PCSK2: variants seen among roughly 807,000 people sequenced by gnomAD.
The protein encoded by PCSK2 is proprotein convertase subtilisin/kexin type 2.
PCSK2 carries 14 observed loss-of-function variants against 69.7 expected under a neutral mutation model. The ratio of observed to expected loss-of-function variants is 0.20; its 90% CI spans 0.13 to 0.31. The LOEUF (loss-of-function observed/expected upper bound fraction) is 0.31. PCSK2 is among the 10% of genes least tolerant of loss of function. The probability of loss-of-function intolerance (pLI) is 1.00; values close to 1 mark genes in which losing one functional copy is unlikely to be tolerated. For missense variants in PCSK2, 544 were observed against 842.5 expected (o/e 0.65, Z 4.39); for synonymous variants, 307 against 320.7 (o/e 0.96, Z 0.46).
chr20:17,407,140 C>G (rs1367526815), intron 5 of PCSK2, among the ~76,000 whole-genome samples: 1 of 152,196 alleles, frequency 6.6e-6, no homozygotes, highest in African/African-American at 2.4e-5. Context: ...TGCCCCAAGC[C>G]TGTAGCTCAG....
rs150254059 is a variant in PCSK2 at position 17,301,190 on chromosome 20, ACTTAGGT to A, written c.282+40853_282+40859del. On this transcript the variant is annotated intron_variant, in intron 2 of 11. Transcript: ENST00000262545. Reference sequence around the variant, plus strand: ...TGACGTTAGAAATTTGGGAATGTGAACTTAGGTCTTAGGATAAAATTTCCAGCACTGG... The same window carrying A: ...TGACGTTAGAAATTTGGGAATGTGAACTTAGGATAAAATTTCCAGCACTGG... Among the ~76,000 whole-genome samples, 773 of 152,320 alleles carry A rather than the reference ACTTAGGT, an allele frequency of 5.1e-3. 6 individuals are homozygous for A. The highest frequency in any genetic ancestry group is 0.023 in the East Asian group (120 of 5,186).
intron 2 of PCSK2, among the ~76,000 whole-genome samples, chr20:17,272,434 A>G (rs1482889951): frequency 1.3e-5 from 2 of 152,122 alleles, no homozygotes; most frequent in African/African-American, 4.8e-5. Context: ...CTCATAATCC[A>G]TCCTTGAAGG....
intron 2 of PCSK2, among the ~76,000 whole-genome samples, chr20:17,320,549 G>T (rs1208118130): frequency 6.6e-6 from 1 of 152,228 alleles, no homozygotes; most frequent in East Asian, 1.9e-4. Flanking sequence ...TAAAGTGTGT[G>T]TTTTCAAGGA....
intron 8 of PCSK2, among the ~76,000 whole-genome samples, chr20:17,450,917 G>A (rs1178086721): frequency 6.6e-6 from 1 of 152,026 alleles, no homozygotes; most frequent in South Asian, 2.1e-4. Flanking sequence ...AAGTAGGGTG[G>A]CATGCCAGCA....
chr20:17,287,063 C>A (rs933180696), intron 2 of PCSK2, among the ~76,000 whole-genome samples: 2 of 152,112 alleles, frequency 1.3e-5, no homozygotes, highest in East Asian at 3.9e-4. Flanking sequence ...GGACCATAGT[C>A]TTTTCTCCTA....
rs527352663 is a variant in PCSK2 at position 17,357,518 on chromosome 20, T to C, written c.283-809T>C. ...TGTTTTCACTCTCTCTCTTCCTGAA[T>C]CCACATCAGTCCTCTCTCCTTAATA... On this transcript the variant is annotated intron_variant, in intron 2 of 11. Transcript: ENST00000262545. 1.1e-4 allele frequency among the ~76,000 whole-genome samples: 16 copies of C among 152,358 alleles called. No individual in the cohort carries two copies. In the South Asian group the frequency reaches 3.1e-3, roughly 30 times the overall value.
chr20:17,472,478 C>A (rs944419085), intron 11 of PCSK2, among the ~76,000 whole-genome samples: 2 of 152,250 alleles, frequency 1.3e-5, no homozygotes, highest in African/African-American at 2.4e-5. Flanking sequence ...CATGTGACTG[C>A]CACAAAAGCA....
intron 5 of PCSK2, among the ~76,000 whole-genome samples, chr20:17,392,856 C>G (rs6034814): frequency 0.1 from 15,320 of 151,620 alleles, 1,170 homozygotes; most frequent in African/African-American, 0.21. Flanking sequence ...TCAGTTTGGA[C>G]GATTATAAAT....
At position 17,453,383 on chromosome 20, in the gene PCSK2, GTTTT is replaced by G. The variant is rs1183666164; in HGVS notation, c.886-356_886-353del. Among the ~76,000 whole-genome samples, 1 of 152,114 alleles carries G rather than the reference GTTTT, an allele frequency of 6.6e-6. No homozygotes were observed. Among genetic ancestry groups the G allele is most frequent in the Non-Finnish European group, 1.5e-5 (1 of 68,012 alleles). On this transcript the variant is annotated intron_variant, in intron 8 of 11. Coordinates refer to ENST00000262545, the MANE Select transcript of PCSK2 (RefSeq NM_002594.5). This position sits in a 1 kb window ranked among gnomAD's most constrained non-coding sequence, Gnocchi z 4.0. The stretch of plus-strand genomic sequence containing the variant: ...AGATAATAATTACCTCTAGAGAGTT[GTTTT>G]TTATTTTCCTTTCCATACAGTTAGA...
At chr20:17,253,952 A>C (rs976395892) in intron 1 of PCSK2, among the ~76,000 whole-genome samples, 2 of 152,198 alleles carry the variant, frequency 1.3e-5, no homozygotes, top group African/African-American at 4.8e-5. Flanking sequence ...TTTAACTTGC[A>C]TTCTCTGATG....
chr20:17,436,500 T>C (rs2032487006), intron 7 of PCSK2, among the ~76,000 whole-genome samples: 1 of 152,216 alleles, frequency 6.6e-6, no homozygotes, highest in Non-Finnish European at 1.5e-5. Context: ...TTTAAATCAT[T>C]ACATCAGCAA....
At chr20:17,280,727 T>C (rs1988278621) in intron 2 of PCSK2, among the ~76,000 whole-genome samples, 1 of 152,228 alleles carries the variant, frequency 6.6e-6, no homozygotes, top group African/African-American at 2.4e-5. Flanking sequence ...ACCTAGTGCC[T>C]GGGTGTTTAA....
intron 2 of PCSK2, among the ~76,000 whole-genome samples, chr20:17,308,247 C>T (rs1989390968): frequency 6.6e-6 from 1 of 152,206 alleles, no homozygotes; most frequent in Non-Finnish European, 1.5e-5. Flanking sequence ...CCAACCACCT[C>T]CCACCAGGCC....
intron 2 of PCSK2, among the ~76,000 whole-genome samples, chr20:17,319,512 C>A (rs989926864): frequency 6.6e-6 from 1 of 152,186 alleles, no homozygotes; most frequent in Non-Finnish European, 1.5e-5. Context: ...TGTTCACATG[C>A]TGGTGGTCAA....
At chr20:17,324,757 C>T (rs1260325800) in intron 2 of PCSK2, among the ~76,000 whole-genome samples, 1 of 152,152 alleles carries the variant, frequency 6.6e-6, no homozygotes, top group Admixed American at 6.5e-5. Context: ...GCTTGATATG[C>T]TTAAAAAGCA....
chr20:17,416,680 C>T (rs1415008793), intron 6 of PCSK2, among the ~76,000 whole-genome samples: 2 of 151,966 alleles, frequency 1.3e-5, no homozygotes, highest in Non-Finnish European at 2.9e-5. Flanking sequence ...GGATATATAC[C>T]CAAAGGATTA....
At chr20:17,442,385 G>A (rs2032615963) in intron 8 of PCSK2, among the ~76,000 whole-genome samples, 2 of 151,992 alleles carry the variant, frequency 1.3e-5, no homozygotes, top group Non-Finnish European at 2.9e-5. Context: ...TCCTTTGGTT[G>A]TGGTCCTTCT....
At chr20:17,409,193 G>T (rs2031817700) in intron 5 of PCSK2, 70 bp from the exon 6 acceptor site, 2 of 1,183,382 alleles carry the variant, frequency 1.7e-6, no homozygotes, top group Non-Finnish European at 2.5e-6. Flanking sequence ...AATGTTTAAA[G>T]TCTCCCAGCG....
Position 17,482,149 on chromosome 20 carries a change from T to C in PCSK2, c.*79T>C. On this transcript the variant is annotated 3_prime_UTR_variant, in exon 12 of 12. Coordinates refer to ENST00000262545, the MANE Select transcript of PCSK2 (RefSeq NM_002594.5). ...TCGCTCCACGTTTCAGGCAGGCACCTAGCAATTCCATCACCCGTACAGGCA... is the reference window on the plus strand; with the variant it reads ...TCGCTCCACGTTTCAGGCAGGCACCCAGCAATTCCATCACCCGTACAGGCA... The C allele has an allele frequency of 2.9e-6, 4 of 1,363,684 alleles. No homozygotes were observed. Among genetic ancestry groups the C allele is most frequent in the Non-Finnish European group, 3.9e-6 (4 of 1,019,004 alleles). The allele number at this position is 1,363,684 out of a possible 1,614,324, so 84.5% of individuals were successfully genotyped here. A position where few individuals can be genotyped will look rare whatever the true frequency, so the allele number is the denominator to read the frequency against.
Sources: allele counts gnomAD v4.1 joint callset (sites outside exome capture counted in the v4.1 genomes callset), GRCh38; gene constraint gnomAD v4.1.1; non-coding constraint Gnocchi (gnomAD v3.1); transcripts MANE v1.5; gene names NCBI Gene and HGNC (gene_info 2026-07-23, HGNC 2026-07-21).